MAGI1: variants seen among roughly 807,000 people sequenced by gnomAD.
MAGI1 encodes membrane-associated guanylate kinase, WW and PDZ domain-containing protein 1.
A neutral mutation model predicts 139.9 loss-of-function variants in MAGI1; 58 were observed. That is an observed-to-expected ratio of 0.41 (90% CI 0.34 to 0.52). The LOEUF is 0.52. Among genes scored for constraint, MAGI1 ranks in the 20% least tolerant of loss-of-function variants. The pLI is 0.12. For synonymous variants in MAGI1, 812 were observed against 737.9 expected, an observed-to-expected ratio of 1.10 and a Z score of -1.63; for missense variants, 1,874 against 1,901.6, an observed-to-expected ratio of 0.99 and a Z score of 0.27.
At chr3:65,728,705 G>T (rs549437582) in intron 1 of MAGI1, among the ~76,000 whole-genome samples, 1 of 152,156 alleles carries the variant, frequency 6.6e-6, no homozygotes. Flanking sequence ...AAGAAATGAT[G>T]CAAAGAAAAA....
At chr3:65,978,684 AATGGTG>A (rs1469012516) in intron 1 of MAGI1, among the ~76,000 whole-genome samples, 3 of 145,368 alleles carry the variant, frequency 2.1e-5, no homozygotes. Flanking sequence ...GCTGGAGTGC[AATGGTG>A]CAATCTCAGC....
intron 1 of MAGI1, among the ~76,000 whole-genome samples, chr3:65,913,615 A>G (rs1180474111): frequency 6.6e-6 from 1 of 152,172 alleles, no homozygotes; most frequent in East Asian, 1.9e-4. Context: ...TTCCTTAAAC[A>G]CAGTACTGCT....
intron 2 of MAGI1, among the ~76,000 whole-genome samples, chr3:65,612,099 A>C (rs1327007425): frequency 6.6e-6 from 1 of 152,118 alleles, no homozygotes; most frequent in East Asian, 1.9e-4. Flanking sequence ...TTCTAGACTA[A>C]AAACACTGAT....
At chr3:65,841,520 CG>C (rs1264445414) in intron 1 of MAGI1, among the ~76,000 whole-genome samples, 1 of 151,714 alleles carries the variant, frequency 6.6e-6, no homozygotes, top group Non-Finnish European at 1.5e-5. Flanking sequence ...CTCCGCCTCC[CG>C]GGTTCAAGCC....
chr3:65,512,812 C>T (rs2077667048), intron 2 of MAGI1, among the ~76,000 whole-genome samples: 1 of 150,988 alleles, frequency 6.6e-6, no homozygotes, highest in Admixed American at 6.6e-5. Flanking sequence ...TTTATGAGGC[C>T]AGCATCATTC....
chr3:65,443,089 G>A (rs996950569), intron 7 of MAGI1, among the ~76,000 whole-genome samples: 1 of 151,854 alleles, frequency 6.6e-6, no homozygotes, highest in Non-Finnish European at 1.5e-5. Context: ...TTAACAAAAT[G>A]CAGCCTTTAT....
chr3:65,528,242 T>G (rs538854143), intron 2 of MAGI1, among the ~76,000 whole-genome samples: 18 of 152,322 alleles, frequency 1.2e-4, no homozygotes, highest in African/African-American at 3.6e-4. Flanking sequence ...ACGTCAACTG[T>G]CACAAATTGA....
At chr3:66,033,050 T>G (rs2068724318) in intron 1 of MAGI1, among the ~76,000 whole-genome samples, 1 of 151,334 alleles carries the variant, frequency 6.6e-6, no homozygotes, top group African/African-American at 2.4e-5. Context: ...GTGTGTGAGA[T>G]GGGGGTCTCA....
At chr3:65,641,359 T>C (rs530765961) in intron 1 of MAGI1, among the ~76,000 whole-genome samples, 1 of 152,260 alleles carries the variant, frequency 6.6e-6, no homozygotes, top group African/African-American at 2.4e-5. Flanking sequence ...ATGTCTATAA[T>C]AGCACCAGCG....
intron 1 of MAGI1, among the ~76,000 whole-genome samples, chr3:65,626,554 G>C (rs2083981973): frequency 6.6e-6 from 1 of 152,066 alleles, no homozygotes; most frequent in Admixed American, 6.6e-5. Flanking sequence ...GAACTCCTGG[G>C]TTCAAGCAAT....
intron 9 of MAGI1, among the ~76,000 whole-genome samples, chr3:65,438,988 T>C (rs573987610): frequency 2.6e-5 from 4 of 152,320 alleles, no homozygotes; most frequent in South Asian, 2.1e-4. Flanking sequence ...ATTTGTTATA[T>C]TCAATATTAT....
intron 1 of MAGI1, among the ~76,000 whole-genome samples, chr3:65,668,562 C>CTTTTTT (rs58434479): frequency 8.8e-5 from 7 of 79,882 alleles, no homozygotes; most frequent in Admixed American, 1.6e-4. Context: ...CCTTTTTTTT[C>CTTTTTT]TTTTTTTTTT....
At chr3:65,870,214 G>A (rs986474482) in intron 1 of MAGI1, among the ~76,000 whole-genome samples, 2 of 152,010 alleles carry the variant, frequency 1.3e-5, no homozygotes. Context: ...TTAATAGGCT[G>A]CCTGAGCACT....
At chr3:65,987,411 AC>A (rs1313744417) in intron 1 of MAGI1, among the ~76,000 whole-genome samples, 8 of 152,216 alleles carry the variant, frequency 5.3e-5, no homozygotes, top group Admixed American at 3.3e-4. Flanking sequence ...GTCAACGAAC[AC>A]AGTGCTTGGC....
chr3:65,784,493 G>A (rs1430871535), intron 1 of MAGI1, among the ~76,000 whole-genome samples: 3 of 152,170 alleles, frequency 2.0e-5, no homozygotes, highest in East Asian at 1.9e-4. Context: ...CGAGGCAGGC[G>A]AATCACGAGG....
At chr3:65,550,102 C>T (rs1420501595) in intron 2 of MAGI1, among the ~76,000 whole-genome samples, 3 of 152,140 alleles carry the variant, frequency 2.0e-5, no homozygotes, top group African/African-American at 4.8e-5. Context: ...GGCCCCATTC[C>T]ATAGAAGAAA....
In MAGI1 at chr3:65,998,082, G is replaced by A. The variant is rs544556449; in HGVS notation, c.313+39914C>T. Among the ~76,000 whole-genome samples, 36 of 148,742 alleles carry A rather than the reference G, an allele frequency of 2.4e-4. 1 individual carries two copies. The highest frequency in any genetic ancestry group is 2.4e-3 in the South Asian group (11 of 4,676). ...TGCGCCATTGCACTCCAGCCTGGGCGACAGAGCTAGACTCTGTCTCGGGAA... is the reference window on the plus strand; with the variant it reads ...TGCGCCATTGCACTCCAGCCTGGGCAACAGAGCTAGACTCTGTCTCGGGAA... On this transcript the variant is annotated intron_variant, in intron 1 of 22. Coordinates refer to ENST00000402939, the MANE Select transcript of MAGI1 (RefSeq NM_001033057.2).
At chr3:65,783,800 T>C (rs1438358306) in intron 1 of MAGI1, among the ~76,000 whole-genome samples, 1 of 13,668 alleles carries the variant, frequency 7.3e-5, no homozygotes, top group Non-Finnish European at 1.9e-4. Flanking sequence ...ACCCAGCCTG[T>C]ACCAAAAAAA....
At chr3:66,011,042 T>A (rs903248057) in intron 1 of MAGI1, among the ~76,000 whole-genome samples, 5 of 152,204 alleles carry the variant, frequency 3.3e-5, no homozygotes, top group African/African-American at 1.2e-4. Flanking sequence ...GACACCAATT[T>A]GCCCAAAGTC....
Sources: gnomAD v4.1 joint callset for allele counts (sites outside exome capture counted in the v4.1 genomes callset) on GRCh38, gnomAD v4.1.1 for gene constraint, MANE v1.5 for transcripts, NCBI Gene and HGNC (gene_info 2026-07-23, HGNC 2026-07-21) for gene names.